Variants in BRINP2 observed in about 807,000 individuals in gnomAD.
BRINP2 encodes the protein BMP/retinoic acid inducible neural specific 2.
BRINP2 carries 21 observed loss-of-function variants against 69.2 expected under a neutral mutation model. The observed-to-expected ratio is 0.30, with a 90% confidence interval of 0.22 to 0.44. The LOEUF is 0.44. BRINP2 is among the 20% of genes least tolerant of loss of function. The pLI is 1.00. For missense variants in BRINP2, 877 were observed against 986.0 expected, an observed-to-expected ratio of 0.89 and a Z score of 1.48; for synonymous variants, 380 against 394.1, an observed-to-expected ratio of 0.96 and a Z score of 0.42.
chr1:177,230,029 C>T lies in BRINP2; in HGVS notation c.153C>T (p.Gly51=), dbSNP rs1433188527. The T allele has an allele frequency of 1.2e-6, 2 of 1,613,758 alleles. No homozygotes were observed. Among genetic ancestry groups the T allele is most frequent in the South Asian group, 2.2e-5 (2 of 91,060 alleles). ...VVPEQHASVA[G]QHPLDWLLTD... is the part of the protein sequence containing the mutation. ...CCGAGCAGCATGCCTCCGTAGCTGG[C>T]CAGCATCCCCTGGACTGGCTGCTCA... The change falls in exon 2 of 8, where the codon GGC becomes GGT. Residue 51 remains glycine (G), a synonymous_variant. Transcript: ENST00000361539.
At chr1:177,274,412 C>T (rs552420704) in intron 5 of BRINP2, among the ~76,000 whole-genome samples, 3 of 152,256 alleles carry the variant, frequency 2.0e-5, no homozygotes, top group South Asian at 4.2e-4. Context: ...TCAGGATCTA[C>T]GATTACAAAT....
intron 2 of BRINP2, among the ~76,000 whole-genome samples, chr1:177,250,408 C>A (rs908245666): frequency 2.0e-5 from 3 of 152,158 alleles, no homozygotes; most frequent in Non-Finnish European, 4.4e-5. Flanking sequence ...CTCACTCCAA[C>A]CTCCACCTCC....
At chr1:177,251,145 A>G (rs557208956) in intron 2 of BRINP2, among the ~76,000 whole-genome samples, 43 of 152,278 alleles carry the variant, frequency 2.8e-4, no homozygotes, top group African/African-American at 1.0e-3. Context: ...AGCTGGACTT[A>G]GGCCTTTATC....
intron 2 of BRINP2, among the ~76,000 whole-genome samples, chr1:177,251,950 C>T (rs1181707923): frequency 6.6e-6 from 1 of 152,088 alleles, no homozygotes; most frequent in Non-Finnish European, 1.5e-5. Context: ...TCTAGACATG[C>T]CCTATCCCAA....
In BRINP2 at chr1:177,268,610, G is replaced by A. The variant is rs181111090; in HGVS notation, c.670-4878G>A. On this transcript the variant is annotated intron_variant, in intron 4 of 7. Coordinates refer to ENST00000361539, the MANE Select transcript of BRINP2 (RefSeq NM_021165.4). ...CACTGAACATCCCCCTCTGTTGGAA[G>A]GTTTACCCAAATTGGCACACACCTC... is the stretch of plus-strand genomic sequence containing the variant. Among the ~76,000 whole-genome samples, 145 of 152,248 alleles carry A rather than the reference G, an allele frequency of 9.5e-4. 1 individual carries two copies. Among genetic ancestry groups the A allele is most frequent in the African/African-American group, 3.4e-3 (140 of 41,526 alleles).
chr1:177,179,737 G>C (rs1648194214), intron 1 of BRINP2, among the ~76,000 whole-genome samples: 1 of 152,280 alleles, frequency 6.6e-6, no homozygotes, highest in East Asian at 1.9e-4. Flanking sequence ...CCAGAGGCAT[G>C]AGTAAAAGGG....
At chr1:177,227,578 C>T (rs1335960565) in intron 1 of BRINP2, among the ~76,000 whole-genome samples, 4 of 151,494 alleles carry the variant, frequency 2.6e-5, no homozygotes, top group Non-Finnish European at 5.9e-5. Flanking sequence ...CCTCTATGTA[C>T]AAAGCCGATT....
chr1:177,279,465 CTTG>C (rs998872064), intron 7 of BRINP2, among the ~76,000 whole-genome samples: 6 of 152,054 alleles, frequency 3.9e-5, no homozygotes, highest in Admixed American at 2.6e-4. Flanking sequence ...TGAAAGCTTC[CTTG>C]GAGAAGAAAA....
At chr1:177,272,903 T>C (rs1651373504) in intron 4 of BRINP2, among the ~76,000 whole-genome samples, 2 of 152,258 alleles carry the variant, frequency 1.3e-5, no homozygotes, top group Admixed American at 1.3e-4. Flanking sequence ...TTTTGAAATA[T>C]TACATGGCTA....
chr1:177,228,682 T>TG (rs1649774447), intron 1 of BRINP2, among the ~76,000 whole-genome samples: 1 of 152,100 alleles, frequency 6.6e-6, no homozygotes, highest in African/African-American at 2.4e-5. Context: ...CGAGGGGAGA[T>TG]GGGCAGATTC....
intron 2 of BRINP2, among the ~76,000 whole-genome samples, chr1:177,249,377 C>T (rs1223327165): frequency 1.3e-5 from 2 of 152,162 alleles, no homozygotes; most frequent in Non-Finnish European, 2.9e-5. Flanking sequence ...AATGTGAATG[C>T]ATTTTACAGG....
intron 2 of BRINP2, among the ~76,000 whole-genome samples, chr1:177,250,938 C>T (rs1264882883): frequency 2.6e-5 from 4 of 152,170 alleles, no homozygotes; most frequent in Admixed American, 1.3e-4. Context: ...ATTATATTTT[C>T]CCCCTTATAT....
At chr1:177,248,224 AT>A (rs958237107) in intron 2 of BRINP2, among the ~76,000 whole-genome samples, 2 of 151,986 alleles carry the variant, frequency 1.3e-5, no homozygotes, top group African/African-American at 2.4e-5. Flanking sequence ...AATATTTTGA[AT>A]TTTTTTTCAG....
chr1:177,213,348 G>T (rs1369428588), intron 1 of BRINP2, among the ~76,000 whole-genome samples: 1 of 152,010 alleles, frequency 6.6e-6, no homozygotes, highest in African/African-American at 2.4e-5. Context: ...GGAGCACCCA[G>T]CCCTCATTTA....
intron 1 of BRINP2, among the ~76,000 whole-genome samples, chr1:177,218,728 G>A (rs1394824137): frequency 6.6e-6 from 1 of 152,168 alleles, no homozygotes; most frequent in Admixed American, 6.5e-5. Context: ...ACTTAGGGGA[G>A]AGAGGAAGGG....
intron 2 of BRINP2, among the ~76,000 whole-genome samples, chr1:177,245,874 A>G (rs537410825): frequency 1.3e-5 from 2 of 148,596 alleles, no homozygotes; most frequent in South Asian, 4.3e-4. Context: ...TTTAAGCTTG[A>G]CTCTCCCCTC....
At chr1:177,209,077 G>A (rs1407088575) in intron 1 of BRINP2, among the ~76,000 whole-genome samples, 1 of 152,074 alleles carries the variant, frequency 6.6e-6, no homozygotes, top group Non-Finnish European at 1.5e-5. Flanking sequence ...CATGGGTTGT[G>A]TTCCGCTCAA....
At chr1:177,276,176 C>A (rs762292717) in intron 5 of BRINP2, 22 bp from the exon 6 acceptor site, 1 of 1,601,166 alleles carries the variant, frequency 6.2e-7, no homozygotes, top group Non-Finnish European at 8.5e-7. Context: ...CCCAGAGATT[C>A]CTTGACACAT....
chr1:177,224,394 G>A (rs1211015536), intron 1 of BRINP2, among the ~76,000 whole-genome samples: 3 of 152,102 alleles, frequency 2.0e-5, no homozygotes, highest in Non-Finnish European at 4.4e-5. Context: ...GAAAAACAGA[G>A]CTTCCTTCCA....
Sources: allele counts gnomAD v4.1 joint callset (sites outside exome capture counted in the v4.1 genomes callset), GRCh38; gene constraint gnomAD v4.1.1; transcripts MANE v1.5; gene names NCBI Gene and HGNC (gene_info 2026-07-23, HGNC 2026-07-21).